The following ACACB variants were observed in gnomAD, a reference collection of about 807,000 sequenced individuals.
The protein encoded by ACACB is acetyl-CoA carboxylase 2.
Under a neutral mutation model 278.8 loss-of-function variants are expected in ACACB, and 209 were observed. The observed-to-expected ratio is 0.75, with a 90% confidence interval of 0.67 to 0.84. The LOEUF is 0.84. Ranked by LOEUF, ACACB falls within the 40% of genes least tolerant of loss-of-function variation. The probability of loss-of-function intolerance (pLI) is 0.00; values close to 1 mark genes in which losing one functional copy is unlikely to be tolerated. For missense variants in ACACB, 2,850 were observed against 3,269.0 expected, an observed-to-expected ratio of 0.87 and a Z score of 3.13; for synonymous variants, 1,174 against 1,285.6, an observed-to-expected ratio of 0.91 and a Z score of 1.86.
At chr12:109,162,083 T>A (rs531726458) in intron 2 of ACACB, among the ~76,000 whole-genome samples, 2 of 152,152 alleles carry the variant, frequency 1.3e-5, no homozygotes, top group South Asian at 4.2e-4. Context: ...TTCAAGTGAT[T>A]TTTGTGCCTC....
rs753987065 is a variant in ACACB, at chr12:109,139,414, G to C, written c.9G>C (p.Leu3Phe). 6 of 1,612,040 alleles carry C rather than the reference G, an allele frequency of 3.7e-6. No individual in the cohort carries two copies. The East Asian group carries it at 1.3e-4, about 36-fold the overall frequency. Residue 3 changes from leucine (L) to phenylalanine (F), a missense_variant, in exon 2 of 53, where the codon TTG (leucine) becomes TTC (phenylalanine). Leu to Phe is a conservative substitution (Grantham distance 22). Coordinates refer to ENST00000338432, the MANE Select transcript of ACACB (RefSeq NM_001093.4). Reference sequence around the variant, plus strand: ...CCTTACAGATTTTCTGAATGGTCTTGCTTCTTTGTCTATCTTGTCTGATTT... The same window carrying C: ...CCTTACAGATTTTCTGAATGGTCTTCCTTCTTTGTCTATCTTGTCTGATTT... Reference protein sequence around the residue: MVLLLCLSCLIFS... With the variant: MVFLLCLSCLIFS...
chr12:109,187,902 G>A (rs1377820634), intron 12 of ACACB, 97 bp from the exon 13 acceptor site: 6 of 1,416,894 alleles, frequency 4.2e-6, no homozygotes, highest in Non-Finnish European at 4.8e-6. Context: ...CTTTTGGTCA[G>A]CGTAGGGGTT....
At chr12:109,203,381 T>C (rs897337513) in intron 19 of ACACB, among the ~76,000 whole-genome samples, 2 of 152,226 alleles carry the variant, frequency 1.3e-5, no homozygotes, top group Non-Finnish European at 2.9e-5. Flanking sequence ...GTTAGCACAT[T>C]GCATATAGTT....
Position 109,197,163 on chromosome 12 carries a change from G to A in ACACB, c.2627+10G>A, listed in dbSNP as rs759535538. 7 of 1,598,572 alleles carry A rather than the reference G, an allele frequency of 4.4e-6. No individual in the cohort carries two copies. Among genetic ancestry groups the A allele is most frequent in the South Asian group, 1.1e-5 (1 of 88,178 alleles). ...AGGAAGAGGTTGACAGGTGCGTGGG[G>A]GTGCGAGTCCCACTGTGGGCTGGGC... On this transcript the variant is annotated intron_variant, in intron 17 of 52. Transcript: ENST00000338432.
At chr12:109,151,384 C>CA (rs2043372198) in intron 2 of ACACB, among the ~76,000 whole-genome samples, 1 of 152,196 alleles carries the variant, frequency 6.6e-6, no homozygotes, top group African/African-American at 2.4e-5. Context: ...ACCATTCATA[C>CA]ATTCCCCTCC....
At chr12:109,176,843 T>C (rs749166077) in intron 9 of ACACB, among the ~76,000 whole-genome samples, 13 of 152,208 alleles carry the variant, frequency 8.5e-5, no homozygotes, top group East Asian at 1.9e-4. Context: ...TCTCAAACTC[T>C]TGGCCTTGAG....
chr12:109,162,680 C>T (rs531401895), intron 2 of ACACB, among the ~76,000 whole-genome samples: 2 of 152,190 alleles, frequency 1.3e-5, no homozygotes, highest in African/African-American at 4.8e-5. Flanking sequence ...TTCCCCGTTC[C>T]CCCCGGGGCT....
At chr12:109,179,879 C>T (rs1408322976) in intron 10 of ACACB, 38 bp from the exon 11 acceptor site, 1 of 1,579,770 alleles carries the variant, frequency 6.3e-7, no homozygotes, top group Non-Finnish European at 8.6e-7. Context: ...CTGAAAAGAC[C>T]TCTGGAACCC....
In ACACB at chr12:109,122,381, C is replaced by T. The variant is rs557397258; in HGVS notation, c.-10+5677C>T. ...ATCCCAGTGCTTTGGGAGGCCAAGG[C>T]GGGAGGATTGCTTGAGTCCCTGTCT... On this transcript the variant is annotated intron_variant, in intron 1 of 52. Transcript: ENST00000338432. 4.6e-5 allele frequency among the ~76,000 whole-genome samples: 7 copies of T among 151,468 alleles called. No individual in the cohort carries two copies. The South Asian group carries it at 1.5e-3, about 32-fold the overall frequency.
chr12:109,262,478 G>T lies in ACACB; in HGVS notation c.6787+9G>T. 6.2e-7 allele frequency: 1 copy of T among 1,601,818 alleles called. No individual in the cohort carries two copies. The highest frequency in any genetic ancestry group is 1.3e-5 in the African/African-American group (1 of 74,764). On this transcript the variant is annotated intron_variant, in intron 49 of 52. Coordinates refer to ENST00000338432, the MANE Select transcript of ACACB (RefSeq NM_001093.4). ...GCTCATGGAACAGCTAGGTAAGGGG[G>T]TCCCAAAGGCTTCACCTCTCAGAGG...
intron 2 of ACACB, among the ~76,000 whole-genome samples, chr12:109,143,879 C>G (rs1345198325): frequency 6.6e-6 from 1 of 152,052 alleles, no homozygotes; most frequent in Non-Finnish European, 1.5e-5. Context: ...GGAAACAACG[C>G]ATATCAAAAT....
intron 3 of ACACB, 195 bp downstream of exon 3, chr12:109,167,188 T>C: frequency 1.5e-6 from 1 of 653,786 alleles, no homozygotes; most frequent in Non-Finnish European, 2.6e-6. Context: ...AAAGGGCTAT[T>C]GTGAGGATGA....
intron 49 of ACACB, 34 bp downstream of exon 49, chr12:109,262,503 G>A (rs1300617710): frequency 4.7e-6 from 7 of 1,484,750 alleles, no homozygotes; most frequent in Non-Finnish European, 6.6e-6. Flanking sequence ...CCTCTCAGAG[G>A]TCAAGAGAGG....
intron 1 of ACACB, among the ~76,000 whole-genome samples, chr12:109,130,487 T>C (rs759399277): frequency 2.0e-5 from 3 of 152,324 alleles, no homozygotes; most frequent in South Asian, 4.1e-4. Flanking sequence ...GGGATCTTGG[T>C]TGGTCCCAGT....
At position 109,139,550 on chromosome 12, in the gene ACACB, C is replaced by T. The variant is rs905134619; in HGVS notation, c.145C>T (p.Pro49Ser). 1 of 1,614,108 alleles carries T rather than the reference C, an allele frequency of 6.2e-7. No individual in the cohort carries two copies. The highest frequency in any genetic ancestry group is 2.2e-5 in the East Asian group (1 of 44,886). ...ANLIPSQEPF[P>S]ASDNSGETPQ... ...CCTCATCCCGAGCCAGGAGCCCTTT[C>T]CAGCCTCTGATAACTCAGGGGAGAC... is the stretch of plus-strand genomic sequence containing the variant. Residue 49 changes from proline (P) to serine (S), a missense_variant, in exon 2 of 53, where the codon CCA (proline) becomes TCA (serine). Physicochemically the swap from Pro to Ser is moderately conservative, Grantham distance 74 (BLOSUM62 -1). Transcript: ENST00000338432.
rs188165925 is a variant in ACACB at position 109,223,183 on chromosome 12, A to G, written c.3792+271A>G. On this transcript the variant is annotated intron_variant, in intron 26 of 52. Coordinates refer to ENST00000338432, the MANE Select transcript of ACACB (RefSeq NM_001093.4). ...CTGGTGCAGTTTACAAACCTCAGCC[A>G]TATGGAGCATATCTGGAAGCTGTGA... is the stretch of plus-strand genomic sequence containing the variant. Among the ~76,000 whole-genome samples, 337 of 152,242 alleles carry G rather than the reference A, an allele frequency of 2.2e-3. 1 individual carries two copies. Among genetic ancestry groups the G allele is most frequent in the Middle Eastern group, 6.8e-3 (2 of 294 alleles).
chr12:109,140,198 A>T, intron 2 of ACACB, 140 bp downstream of exon 2: 1 of 705,050 alleles, frequency 1.4e-6, no homozygotes, highest in Non-Finnish European at 2.1e-6. Flanking sequence ...AGGAGAAGAC[A>T]CGAGCCTTCT....
rs2046937523 is a variant in ACACB at position 109,246,183 on chromosome 12, G to A, written c.5306G>A (p.Gly1769Asp). 1 of 1,609,498 alleles carries A rather than the reference G, an allele frequency of 6.2e-7. No individual in the cohort carries two copies. The highest frequency in any genetic ancestry group is 1.3e-5 in the African/African-American group (1 of 74,758). The change falls in exon 39 of 53, where the codon GGC becomes GAC. Residue 1769 changes from glycine to aspartate, a missense_variant. By Grantham distance (94) the Gly-to-Asp change is moderately conservative. Around this residue, in one of 3 missense-constraint regions of ACACB, gnomAD observed 2,265 missense variants for 2,561.3 expected, o/e 0.88. Transcript: ENST00000338432. Reference sequence around the variant, plus strand: ...GTGCATTCATCCCCTTGCCAGGTGGGCATGGTGGCCTTCAAAATGAGGTTT... The same window carrying A: ...GTGCATTCATCCCCTTGCCAGGTGGACATGGTGGCCTTCAAAATGAGGTTT... ...MNRLPGGNEV[G>D]MVAFKMRFKT...
chr12:109,260,626 T>G lies in ACACB; in HGVS notation c.6643T>G (p.Cys2215Gly). 1.3e-6 allele frequency: 2 copies of G among 1,599,100 alleles called. No individual in the cohort carries two copies. Among genetic ancestry groups the G allele is most frequent in the Non-Finnish European group, 8.5e-7 (1 of 1,173,342 alleles). Reference protein sequence around the residue: ...VVIDATINPLCIEMYADKESR... With the variant: ...VVIDATINPLGIEMYADKESR... Reference sequence around the variant, plus strand: ...CATAGATGCCACCATCAACCCGCTGTGCATAGAAATGTATGCAGACAAAGA... The same window carrying G: ...CATAGATGCCACCATCAACCCGCTGGGCATAGAAATGTATGCAGACAAAGA... The change falls in exon 48 of 53, where the codon TGC becomes GGC. Residue 2215 changes from cysteine (C) to glycine (G), a missense_variant. By Grantham distance (159) the Cys-to-Gly change is radical. Coordinates refer to ENST00000338432, the MANE Select transcript of ACACB (RefSeq NM_001093.4).
Sources: gnomAD v4.1 joint callset for allele counts (sites outside exome capture counted in the v4.1 genomes callset) on GRCh38, gnomAD v4.1.1 for gene constraint, gnomAD v4.1.1 regional missense constraint, MANE v1.5 for transcripts, NCBI Gene and HGNC (gene_info 2026-07-23, HGNC 2026-07-21) for gene names.